FN1: variants seen among roughly 807,000 people sequenced by gnomAD.
FN1 encodes fibronectin 1.
In FN1, 106 loss-of-function variants were observed where a neutral mutation model predicts 297.3. That is an observed-to-expected ratio of 0.36 (90% CI 0.30 to 0.42). The LOEUF (loss-of-function observed/expected upper bound fraction) is 0.42, where lower values mean the gene tolerates loss of function less well. Among genes scored for constraint, FN1 ranks in the 10% least tolerant of loss-of-function variants. FN1 has a pLI of 1.00. For missense variants in FN1, 2,690 were observed against 3,124.9 expected, an observed-to-expected ratio of 0.86 and a Z score of 3.32; for synonymous variants, 1,149 against 1,152.6, an observed-to-expected ratio of 1.00 and a Z score of 0.06.
chr2:215,393,010 C>T lies in FN1; in HGVS notation c.3990G>A (p.Pro1330=), dbSNP rs754758151. ...VGYYTVTGLE[P]GIDYDISVIT... ...TAACGCTGATATCATAGTCAATGCC[C>T]GGCTCCAGCCCTGTGACTGTGTAGT... Residue 1330 remains proline, a synonymous_variant, in exon 25 of 46, where the codon CCG becomes CCA. Transcript: ENST00000354785. The T allele has an allele frequency of 2.1e-5, 34 of 1,613,790 alleles. No homozygotes were observed. The highest frequency in any genetic ancestry group is 6.7e-5 in the East Asian group (3 of 44,882).
At chr2:215,421,089 T>G in intron 10 of FN1, 1 of 389,032 alleles carries the variant, frequency 2.6e-6, no homozygotes, top group Non-Finnish European at 4.9e-6. Context: ...AAGCCAGTAT[T>G]TGAACAAATA....
rs1182261640 is a variant in FN1 at position 215,362,056 on chromosome 2, G to A, written c.7275C>T (p.Arg2425=). The A allele has an allele frequency of 2.5e-6, 4 of 1,614,108 alleles. No homozygotes were observed. The highest frequency in any genetic ancestry group is 3.4e-6 in the Non-Finnish European group (4 of 1,179,996). Reference sequence around the variant, plus strand: ...CGGGACTGGGTTCACCCCCAGGTCTGCGGCAGTTGTCACAGCGCCAGCCCT... The same window carrying A: ...CGGGACTGGGTTCACCCCCAGGTCTACGGCAGTTGTCACAGCGCCAGCCCT... The part of the protein sequence containing the change: ...GQRGWRCDNC[R]RPGGEPSPEG... Residue 2425 remains arginine, a synonymous_variant, in exon 45 of 46, where the codon CGC becomes CGT. Transcript: ENST00000354785.
intron 23 of FN1, among the ~76,000 whole-genome samples, chr2:215,394,985 C>T (rs1400978371): frequency 6.6e-6 from 1 of 152,128 alleles, no homozygotes; most frequent in Non-Finnish European, 1.5e-5. Context: ...CTCACTTCAA[C>T]CTCCGCCAAG....
chr2:215,404,303 T>G (rs2061489335), intron 20 of FN1, 86 bp downstream of exon 20: 1 of 1,333,680 alleles, frequency 7.5e-7, no homozygotes, highest in Non-Finnish European at 1.1e-6. Context: ...TTTAATGTTT[T>G]TTTTGTTTTG....
intron 44 of FN1, chr2:215,363,663 C>G (rs538285610): frequency 6.6e-6 from 1 of 152,278 alleles, no homozygotes; most frequent in Non-Finnish European, 1.5e-5. Flanking sequence ...TGAGTCTCAC[C>G]CTTGAGTGTG....
At chr2:215,389,911 C>T (rs2059516363) in intron 26 of FN1, among the ~76,000 whole-genome samples, 1 of 152,220 alleles carries the variant, frequency 6.6e-6, no homozygotes, top group Non-Finnish European at 1.5e-5. Context: ...CAGCATGTTA[C>T]TGTACTGAAC....
intron 12 of FN1, 86 bp from the exon 13 acceptor site, chr2:215,415,044 A>C: frequency 1.9e-6 from 2 of 1,039,132 alleles, no homozygotes; most frequent in South Asian, 2.6e-5. Context: ...CATCATTATA[A>C]ACAGCTTTGC....
intron 34 of FN1, 90 bp downstream of exon 34, chr2:215,379,040 A>G: frequency 8.9e-7 from 1 of 1,121,664 alleles, no homozygotes; most frequent in Non-Finnish European, 1.4e-6. Flanking sequence ...GAACAGTTAG[A>G]TTTATTATGA....
intron 30 of FN1, 125 bp from the exon 31 acceptor site, chr2:215,383,608 C>G (rs531330616): frequency 2.9e-6 from 3 of 1,021,490 alleles, no homozygotes; most frequent in South Asian, 2.6e-5. Flanking sequence ...TATTTCTTCT[C>G]GAAAGAATAC....
Position 215,409,642 on chromosome 2 carries a change from C to T in FN1, c.2220G>A (p.Trp740Ter). The change falls in exon 15 of 46, where the codon TGG (tryptophan) becomes TGA (stop). Residue 740 changes from tryptophan to a stop codon, truncating the protein, a stop_gained. Coordinates refer to ENST00000354785, the MANE Select transcript of FN1 (RefSeq NM_212482.4). LOFTEE classifies it high-confidence loss of function. ...EITASSFVVSWVSASDTVSGF... is the reference protein window; with the variant it reads ...EITASSFVVS ...CCGACACGGTGTCGGAAGCTGAGACCCAGGAGACCACAAAGCTACTGGCTG... is the reference window on the plus strand; with the variant it reads ...CCGACACGGTGTCGGAAGCTGAGACTCAGGAGACCACAAAGCTACTGGCTG... 1 of 1,614,036 alleles carries T rather than the reference C, an allele frequency of 6.2e-7. No individual in the cohort carries two copies. Among genetic ancestry groups the T allele is most frequent in the Non-Finnish European group, 8.5e-7 (1 of 1,180,000 alleles).
chr2:215,394,302 G>A (rs910625510), intron 24 of FN1, among the ~76,000 whole-genome samples: 8 of 152,142 alleles, frequency 5.3e-5, no homozygotes, highest in Admixed American at 2.6e-4. Flanking sequence ...TTACATACTC[G>A]CTGCAACACA....
chr2:215,400,642 C>T (rs930867235), intron 20 of FN1, among the ~76,000 whole-genome samples: 2 of 143,842 alleles, frequency 1.4e-5, no homozygotes, highest in Non-Finnish European at 3.0e-5. Flanking sequence ...ATCCTAGCTG[C>T]TTGGGAAGCT....
chr2:215,416,907 G>C (rs4622720), intron 12 of FN1, among the ~76,000 whole-genome samples: 43,647 of 152,072 alleles, frequency 0.29, 7,667 homozygotes, highest in East Asian at 0.92. Context: ...GAGCACTGGT[G>C]TGAAATTCCA....
chr2:215,397,063 G>C, intron 23 of FN1, 74 bp downstream of exon 23: 1 of 981,970 alleles, frequency 1.0e-6, no homozygotes, highest in Non-Finnish European at 1.7e-6. Context: ...TTCTCTGAAA[G>C]AAACACAGTT....
chr2:215,404,153 T>C (rs1473936635), intron 20 of FN1, among the ~76,000 whole-genome samples: 1 of 152,234 alleles, frequency 6.6e-6, no homozygotes, highest in Non-Finnish European at 1.5e-5. Context: ...TTCTCAGCTG[T>C]ACTAAGCAGT....
chr2:215,435,340 T>G (rs1162342343), intron 1 of FN1, among the ~76,000 whole-genome samples: 1 of 152,182 alleles, frequency 6.6e-6, no homozygotes, highest in Non-Finnish European at 1.5e-5. Context: ...GACGGAAAAT[T>G]TATAGACATG....
intron 19 of FN1, among the ~76,000 whole-genome samples, chr2:215,405,867 A>C (rs1399783102): frequency 6.6e-6 from 1 of 152,220 alleles, no homozygotes; most frequent in African/African-American, 2.4e-5. Flanking sequence ...AATACTAGAC[A>C]CTTGACAATT....
At chr2:215,434,977 T>G (rs1200197156) in intron 1 of FN1, among the ~76,000 whole-genome samples, 153 bp from the exon 2 acceptor site, 1 of 152,074 alleles carries the variant, frequency 6.6e-6, no homozygotes, top group Non-Finnish European at 1.5e-5. Context: ...TGGCCAGGGG[T>G]CTACATAAAA....
intron 13 of FN1, among the ~76,000 whole-genome samples, chr2:215,412,650 T>C (rs1402160178): frequency 3.3e-5 from 5 of 152,054 alleles, no homozygotes; most frequent in Non-Finnish European, 7.4e-5. Context: ...AGCTCAATAA[T>C]ACCACCCTTT....
Sources: allele counts gnomAD v4.1 joint callset (sites outside exome capture counted in the v4.1 genomes callset), GRCh38; gene constraint gnomAD v4.1.1; transcripts MANE v1.5; gene names NCBI Gene and HGNC (gene_info 2026-07-23, HGNC 2026-07-21).